Variants in SLC8A3 observed in about 807,000 individuals in gnomAD.
SLC8A3 encodes sodium/calcium exchanger 3.
In SLC8A3, 37 loss-of-function variants were observed where a neutral mutation model predicts 65.4. That is an observed-to-expected ratio of 0.57 (90% CI 0.44 to 0.74). The LOEUF is 0.74. Ranked by LOEUF, SLC8A3 falls within the 30% of genes least tolerant of loss-of-function variation. The pLI, the probability that SLC8A3 is intolerant of heterozygous loss-of-function variation, is 0.00. For missense variants in SLC8A3, 1,112 were observed against 1,172.1 expected, an observed-to-expected ratio of 0.95 and a Z score of 0.75; for synonymous variants, 461 against 444.5, an observed-to-expected ratio of 1.04 and a Z score of -0.47.
At chr14:70,105,965 T>C (rs1490838790) in intron 2 of SLC8A3, among the ~76,000 whole-genome samples, 1 of 151,474 alleles carries the variant, frequency 6.6e-6, no homozygotes, top group East Asian at 1.9e-4. Context: ...GATTAAACCA[T>C]ATTAGAAGCT....
chr14:70,146,693 C>T (rs981646358), intron 2 of SLC8A3, among the ~76,000 whole-genome samples: 6 of 152,218 alleles, frequency 3.9e-5, no homozygotes, highest in Non-Finnish European at 7.3e-5. Context: ...CTCCTTCCAG[C>T]TTCCATGCTG....
chr14:70,152,545 T>G (rs1357686108), intron 2 of SLC8A3, among the ~76,000 whole-genome samples: 1 of 150,666 alleles, frequency 6.6e-6, no homozygotes. Context: ...TTTTTCCCTC[T>G]CCCTTCTAAC....
intron 2 of SLC8A3, among the ~76,000 whole-genome samples, chr14:70,111,574 A>G (rs915885750): frequency 6.6e-6 from 1 of 152,246 alleles, no homozygotes. Context: ...TCATTACAAG[A>G]GGCAGAATAT....
At position 70,167,829 on chromosome 14, in the gene SLC8A3, C is replaced by T. The variant is rs7161524; in HGVS notation, c.594G>A (p.Lys198=). 299,001 of 1,613,862 alleles carry T rather than the reference C, an allele frequency of 0.19. 28,987 individuals are homozygous for T. The highest frequency in any genetic ancestry group is 0.2 in the Non-Finnish European group (232,564 of 1,179,906). The change falls in exon 2 of 7, where the codon AAG becomes AAA. Residue 198 remains lysine, a synonymous_variant. Transcript: ENST00000356921. Reference sequence around the variant, plus strand: ...CGGTGATGAAGAAGACTCGTAGATGCTTGATCTTGCGAGTCTCTCCGTCTG... The same window carrying T: ...CGGTGATGAAGAAGACTCGTAGATGTTTGATCTTGCGAGTCTCTCCGTCTG... ...VIPDGETRKI[K]HLRVFFITAA...
chr14:70,146,351 A>ATTTC (rs1895927410), intron 2 of SLC8A3, among the ~76,000 whole-genome samples: 1 of 152,024 alleles, frequency 6.6e-6, no homozygotes, highest in Admixed American at 6.6e-5. Context: ...CCTCCACTAC[A>ATTTC]TTTCACCTGT....
intron 2 of SLC8A3, among the ~76,000 whole-genome samples, chr14:70,128,673 G>C (rs562669473): frequency 6.1e-4 from 93 of 152,286 alleles, no homozygotes; most frequent in African/African-American, 2.1e-3. Context: ...AAAAAACTTG[G>C]AGAAGGTGGT....
intron 2 of SLC8A3, chr14:70,080,133 T>C: frequency 3.0e-6 from 3 of 985,578 alleles, no homozygotes; most frequent in Non-Finnish European, 2.4e-6. Context: ...CCCTCCTGGC[T>C]GCCAGTTATC....
chr14:70,062,503 T>C (rs1288080967), intron 2 of SLC8A3, among the ~76,000 whole-genome samples: 9 of 152,228 alleles, frequency 5.9e-5, no homozygotes, highest in Non-Finnish European at 1.2e-4. Flanking sequence ...AAGCACATGC[T>C]GTACAGGTTT....
intron 3 of SLC8A3, among the ~76,000 whole-genome samples, chr14:70,053,155 A>G (rs1887691689): frequency 6.6e-6 from 1 of 152,356 alleles, no homozygotes; most frequent in African/African-American, 2.4e-5. Context: ...CACCAAACAC[A>G]GAAGGCAATC....
At chr14:70,049,191 G>A (rs914147543) in intron 5 of SLC8A3, 149 bp from the exon 6 acceptor site, 29 of 771,396 alleles carry the variant, frequency 3.8e-5, no homozygotes, top group African/African-American at 1.7e-4. Context: ...CAGGGCCAGC[G>A]TGCCAGAAAA....
chr14:70,088,697 C>T (rs1047605053), intron 2 of SLC8A3, among the ~76,000 whole-genome samples: 1 of 152,210 alleles, frequency 6.6e-6, no homozygotes, highest in African/African-American at 2.4e-5. Context: ...TAGAACTACT[C>T]CTCATCAGAG....
chr14:70,116,057 G>T (rs2140163104), intron 2 of SLC8A3, among the ~76,000 whole-genome samples: 1 of 152,220 alleles, frequency 6.6e-6, no homozygotes, highest in South Asian at 2.1e-4. Context: ...TTTTGCAACA[G>T]GAGATGATGA....
chr14:70,130,490 G>A (rs1894752600), intron 2 of SLC8A3, among the ~76,000 whole-genome samples: 2 of 152,250 alleles, frequency 1.3e-5, no homozygotes, highest in East Asian at 3.9e-4. Context: ...CCCACATTGG[G>A]GGAACACTGT....
rs538818065 is a variant in SLC8A3 at position 70,051,066 on chromosome 14, C to A, written c.2055G>T (p.Leu685Phe). 2.5e-6 allele frequency: 4 copies of A among 1,613,826 alleles called. No homozygotes were observed. Among genetic ancestry groups the A allele is most frequent in the African/African-American group, 1.3e-5 (1 of 75,042 alleles). The change falls in exon 5 of 7, where the codon TTG (leucine) becomes TTT (phenylalanine). Residue 685 changes from leucine to phenylalanine, a missense_variant. Leu to Phe is a conservative substitution (Grantham distance 22, BLOSUM62 0). Transcript: ENST00000356921. ...CCCTCCAGGAATGGGTCCCCACAAC[C>A]AAGGCCAGGTTTGTCTTCTTGATCA... is the stretch of plus-strand genomic sequence containing the variant. ...DKLIKKTNLA[L>F]VVGTHSWRDQ...
At chr14:70,048,631 AC>A (rs1171239697) in intron 6 of SLC8A3, 135 bp downstream of exon 6, 2 of 773,342 alleles carry the variant, frequency 2.6e-6, no homozygotes, top group South Asian at 2.9e-5. Flanking sequence ...TCTTTGATTG[AC>A]TTTTGTGCAC....
intron 2 of SLC8A3, among the ~76,000 whole-genome samples, chr14:70,158,178 C>A (rs971817451): frequency 6.6e-6 from 1 of 152,126 alleles, no homozygotes; most frequent in Admixed American, 6.5e-5. Context: ...GAAGAGACAG[C>A]AAATGTAAGA....
intron 1 of SLC8A3, among the ~76,000 whole-genome samples, chr14:70,169,691 T>TGG (rs11291451): frequency 0.011 from 1,156 of 103,460 alleles, 19 homozygotes; most frequent in South Asian, 0.035. Context: ...AAAAAAAAAG[T>TGG]GGGGGGGGGG....
chr14:70,156,900 A>G (rs1422026130), intron 2 of SLC8A3, among the ~76,000 whole-genome samples: 1 of 152,212 alleles, frequency 6.6e-6, no homozygotes, highest in Non-Finnish European at 1.5e-5. Flanking sequence ...CTCAGTACCC[A>G]AATAGTGTAC....
chr14:70,173,834 C>T (rs1032108515), intron 1 of SLC8A3, among the ~76,000 whole-genome samples: 1 of 152,206 alleles, frequency 6.6e-6, no homozygotes, highest in Non-Finnish European at 1.5e-5. Flanking sequence ...CCTCGAGAGA[C>T]ACAGGAATGA....
Sources: allele counts gnomAD v4.1 joint callset (sites outside exome capture counted in the v4.1 genomes callset), GRCh38; gene constraint gnomAD v4.1.1; transcripts MANE v1.5; gene names NCBI Gene and HGNC (gene_info 2026-07-23, HGNC 2026-07-21).